Variants in C8orf76 observed in about 807,000 individuals in gnomAD.
The protein encoded by C8orf76 is chromosome 8 open reading frame 76.
Under a neutral mutation model 38.1 loss-of-function variants are expected in C8orf76, and 46 were observed. The observed-to-expected ratio is 1.21, with a 90% CI of 0.95 to 1.54. The LOEUF is 1.54. C8orf76 is among the 40% of genes most tolerant of loss of function. The probability of loss-of-function intolerance (pLI) is 0.00; values close to 1 mark genes in which losing one functional copy is unlikely to be tolerated. For synonymous variants in C8orf76, 166 were observed against 167.5 expected (o/e 0.99, Z 0.07); for missense variants, 461 against 441.6 (o/e 1.04, Z -0.39).
At chr8:123,238,936 A>T (rs576218313) in intron 2 of C8orf76, 113 bp downstream of exon 2, 1 of 1,090,462 alleles carries the variant, frequency 9.2e-7, no homozygotes, top group Non-Finnish European at 1.3e-6. Context: ...CACACATCAC[A>T]AAAGATTAAA....
intron 5 of C8orf76, among the ~76,000 whole-genome samples, chr8:123,222,216 C>A (rs1318654707): frequency 6.6e-6 from 1 of 152,058 alleles, no homozygotes; most frequent in Non-Finnish European, 1.5e-5. Context: ...CTTGATCTGA[C>A]CTCGTGATCC....
rs1258441692 is a variant in C8orf76, at chr8:123,239,059, T to A, written c.203A>T (p.Gln68Leu). 1 of 1,614,134 alleles carries A rather than the reference T, an allele frequency of 6.2e-7. No individual in the cohort carries two copies. The highest frequency in any genetic ancestry group is 8.5e-7 in the Non-Finnish European group (1 of 1,179,992). ...KFKGDLAYRR[Q>L]EYQKALQEYS... is the part of the protein sequence containing the mutation. ...TATGTTGAATTCTACCTGATACTCT[T>A]GTCGTCTGTAGGCCAGGTCTCCTTT... The change falls in exon 2 of 6, where the codon CAA (glutamine) becomes CTA (leucine). Residue 68 changes from glutamine (Q) to leucine (L), a missense_variant. Gln to Leu is a moderately radical substitution (Grantham distance 113). Transcript: ENST00000276704.
chr8:123,220,321 A>C lies in C8orf76; in HGVS notation c.949-24T>G, dbSNP rs202139867. ...ACCTATAACAGGAGGAAAAAAAAAAACTGTCCCAATAAAAGAGGCAGAGAC... is the reference window on the plus strand; with the variant it reads ...ACCTATAACAGGAGGAAAAAAAAAACCTGTCCCAATAAAAGAGGCAGAGAC... On this transcript the variant is annotated intron_variant, in intron 5 of 5. Coordinates refer to ENST00000276704, the MANE Select transcript of C8orf76 (RefSeq NM_032847.3). The C allele has an allele frequency of 8.7e-5, 130 of 1,494,854 alleles. No individual in the cohort carries two copies. In the African/African-American group the frequency reaches 1.3e-3, roughly 15 times the overall value. 92.6% of individuals were successfully genotyped at this position (1,494,854 alleles called of 1,614,324 possible). A position where few individuals can be genotyped will look rare whatever the true frequency, so the allele number is the denominator to read the frequency against.
intron 4 of C8orf76, among the ~76,000 whole-genome samples, chr8:123,227,415 G>A (rs999632285): frequency 2.6e-5 from 4 of 152,082 alleles, no homozygotes; most frequent in Non-Finnish European, 5.9e-5. Flanking sequence ...AAACACACTT[G>A]TGGCCTCATG....
intron 1 of C8orf76, among the ~76,000 whole-genome samples, chr8:123,240,302 G>A (rs939704204): frequency 6.6e-6 from 1 of 152,138 alleles, no homozygotes; most frequent in African/African-American, 2.4e-5. Context: ...AGGGCTGAAG[G>A]TAACTTTGAA....
chr8:123,234,064 A>C (rs1825374001), intron 3 of C8orf76, among the ~76,000 whole-genome samples: 1 of 151,740 alleles, frequency 6.6e-6, no homozygotes, highest in African/African-American at 2.4e-5. Flanking sequence ...TGAGTGAGTG[A>C]TTTTTCCAGA....
At chr8:123,239,781 GA>G (rs1252724851) in intron 1 of C8orf76, 1 of 152,044 alleles carries the variant, frequency 6.6e-6, no homozygotes, top group Admixed American at 6.6e-5. Context: ...TTGAGGTTAG[GA>G]GTTTGAGACC....
intron 3 of C8orf76, among the ~76,000 whole-genome samples, chr8:123,234,027 C>CAA (rs764035993): frequency 1.9e-5 from 2 of 103,026 alleles, no homozygotes; most frequent in East Asian, 2.9e-4. Flanking sequence ...GACTTCATCT[C>CAA]AAAAAAAAAA....
At chr8:123,224,597 T>C (rs1298680694) in intron 5 of C8orf76, among the ~76,000 whole-genome samples, 1 of 152,166 alleles carries the variant, frequency 6.6e-6, no homozygotes, top group Non-Finnish European at 1.5e-5. Flanking sequence ...AGTAACAGAA[T>C]GAGACCTTTT....
intron 3 of C8orf76, chr8:123,236,897 GAGAT>G: frequency 9.7e-7 from 1 of 1,032,800 alleles, no homozygotes; most frequent in Admixed American, 1.7e-5. Flanking sequence ...CATCACCCTT[GAGAT>G]CGAGCCCAGC....
At chr8:123,228,150 C>T (rs560820482) in intron 4 of C8orf76, among the ~76,000 whole-genome samples, 57 of 152,318 alleles carry the variant, frequency 3.7e-4, no homozygotes, top group African/African-American at 1.3e-3. Context: ...CCTTCCCACA[C>T]ACTCCGCTGG....
intron 3 of C8orf76, among the ~76,000 whole-genome samples, chr8:123,236,197 T>G (rs183167661): frequency 1.3e-5 from 2 of 152,314 alleles, no homozygotes; most frequent in Admixed American, 1.3e-4. Flanking sequence ...TCTTAGTTAA[T>G]GAGATGGCAG....
intron 3 of C8orf76, among the ~76,000 whole-genome samples, chr8:123,234,923 C>T (rs530718337): frequency 6.6e-6 from 1 of 152,312 alleles, no homozygotes; most frequent in South Asian, 2.1e-4. Context: ...GATCGCACCA[C>T]TGCACTCCAG....
rs184378011 is a variant in C8orf76, at chr8:123,222,384, A to T, written c.949-2087T>A. On this transcript the variant is annotated intron_variant, in intron 5 of 5. Coordinates refer to ENST00000276704, the MANE Select transcript of C8orf76 (RefSeq NM_032847.3). ...GTAGTATTTTAAAATCTGGGATAAA[A>T]CACCAAAAATGCCTTTCTTAAAAAA... Among the ~76,000 whole-genome samples the T allele has an allele frequency of 5.3e-5, 8 of 152,332 alleles. No individual in the cohort carries two copies. In the East Asian group the frequency reaches 9.6e-4, roughly 18 times the overall value.
At chr8:123,227,441 G>A (rs1456672157) in intron 4 of C8orf76, among the ~76,000 whole-genome samples, 2 of 152,134 alleles carry the variant, frequency 1.3e-5, no homozygotes, top group Admixed American at 1.3e-4. Flanking sequence ...AATGGAAGGA[G>A]GGAGATAGCA....
Position 123,226,212 on chromosome 8 carries a change from A to G in C8orf76, c.948+288T>C. On this transcript the variant is annotated intron_variant, in intron 5 of 5. Transcript: ENST00000276704. The stretch of plus-strand genomic sequence containing the variant: ...AATGTAAGCATTCATTCATTCATTT[A>G]TTCAGCACTGAAACAAACAATTATT... The G allele has an allele frequency of 8.0e-6, 10 of 1,251,300 alleles. No individual in the cohort carries two copies. The South Asian group carries it at 2.2e-4, about 27-fold the overall frequency. The allele number at this position is 1,251,300 out of a possible 1,614,324, so 77.5% of individuals were successfully genotyped here.
At chr8:123,233,056 C>G (rs756456470) in intron 3 of C8orf76, among the ~76,000 whole-genome samples, 2 of 151,568 alleles carry the variant, frequency 1.3e-5, no homozygotes, top group Non-Finnish European at 2.9e-5. Context: ...GTTTCGCTCT[C>G]GTCGCCCAGG....
intron 4 of C8orf76, among the ~76,000 whole-genome samples, chr8:123,228,492 G>A (rs1825127085): frequency 6.6e-6 from 1 of 152,082 alleles, no homozygotes; most frequent in Non-Finnish European, 1.5e-5. Flanking sequence ...GGTGGTGCAT[G>A]CCTGTAATCC....
At chr8:123,229,815 G>A (rs572463656) in intron 4 of C8orf76, among the ~76,000 whole-genome samples, 3 of 152,210 alleles carry the variant, frequency 2.0e-5, no homozygotes, top group East Asian at 1.9e-4. Flanking sequence ...TCAGGAGTTC[G>A]AGACCAGCCT....
Sources: allele counts gnomAD v4.1 joint callset (sites outside exome capture counted in the v4.1 genomes callset), GRCh38; gene constraint gnomAD v4.1.1; transcripts MANE v1.5; gene names NCBI Gene and HGNC (gene_info 2026-07-23, HGNC 2026-07-21).